ZHX2: variants seen among roughly 807,000 people sequenced by gnomAD.
ZHX2 encodes zinc fingers and homeoboxes protein 2.
Under a neutral mutation model 21.9 loss-of-function variants are expected in ZHX2, and 6 were observed. The ratio of observed to expected loss-of-function variants is 0.27; its 90% CI spans 0.15 to 0.54. The LOEUF (loss-of-function observed/expected upper bound fraction) is 0.54, where lower values mean the gene tolerates loss of function less well. Among genes scored for constraint, ZHX2 ranks in the 20% least tolerant of loss-of-function variants. The pLI, the probability that ZHX2 is intolerant of heterozygous loss-of-function variation, is 0.95. For missense variants in ZHX2, 908 were observed against 1,090.7 expected (o/e 0.83, Z 2.36); for synonymous variants, 434 against 437.1 (o/e 0.99, Z 0.09).
At chr8:122,821,689 T>TTTATTTAA (rs886690642) in intron 1 of ZHX2, among the ~76,000 whole-genome samples, 1 of 33,164 alleles carries the variant, frequency 3.0e-5, no homozygotes, top group East Asian at 8.0e-4. Context: ...CAGGCATGAC[T>TTTATTTAA]TTATTTATTT....
intron 1 of ZHX2, among the ~76,000 whole-genome samples, chr8:122,800,212 C>T (rs1362101820): frequency 1.3e-5 from 2 of 152,204 alleles, no homozygotes; most frequent in African/African-American, 4.8e-5. Context: ...TCATCTGGTA[C>T]AGCAGGAGTC....
intron 1 of ZHX2, among the ~76,000 whole-genome samples, chr8:122,853,418 G>A (rs1261485197): frequency 2.0e-5 from 3 of 152,132 alleles, no homozygotes; most frequent in South Asian, 2.1e-4. Context: ...TAGGAAATGC[G>A]AATCCAGCAT....
chr8:122,967,911 G>C (rs1016393894), intron 3 of ZHX2, among the ~76,000 whole-genome samples: 1 of 152,064 alleles, frequency 6.6e-6, no homozygotes, highest in African/African-American at 2.4e-5. Flanking sequence ...AAAAGATTAT[G>C]TCTTTTTTCT....
At chr8:122,868,489 T>C (rs1819351161) in intron 2 of ZHX2, among the ~76,000 whole-genome samples, 1 of 150,978 alleles carries the variant, frequency 6.6e-6, no homozygotes, top group South Asian at 2.1e-4. Flanking sequence ...CTCTACAAAA[T>C]ATGCTTTAAA....
chr8:122,941,977 A>G (rs1355978785), intron 2 of ZHX2, among the ~76,000 whole-genome samples: 1 of 152,208 alleles, frequency 6.6e-6, no homozygotes, highest in Non-Finnish European at 1.5e-5. Context: ...GGATTAAGAT[A>G]AAATGGAGAA....
rs981874114 is a variant in ZHX2, at chr8:122,953,948, A to G, written c.2438A>G (p.Gln813Arg). ...TCAGATAGATCAGATAGCTGGAGTC[A>G]GGCTGCGGCAGAAGGTGTGTCGGAA... is the stretch of plus-strand genomic sequence containing the variant. ...AISDRSDSWS[Q>R]AAAEGVSELA... Residue 813 changes from glutamine to arginine, a missense_variant, in exon 3 of 4, where the codon CAG becomes CGG. By Grantham distance (43) the Gln-to-Arg change is conservative. Around this residue, in one of 4 missense-constraint regions of ZHX2, gnomAD observed 431 missense variants for 428.6 expected, o/e 1.01. Coordinates refer to ENST00000314393, the MANE Select transcript of ZHX2 (RefSeq NM_014943.5). The surrounding 1 kb of genome is among the most constrained non-coding windows in gnomAD (Gnocchi z 4.6). 1.2e-6 allele frequency: 2 copies of G among 1,614,172 alleles called. No homozygotes were observed. The highest frequency in any genetic ancestry group is 1.7e-6 in the Non-Finnish European group (2 of 1,180,006).
chr8:122,911,890 G>A (rs767479228), intron 2 of ZHX2, among the ~76,000 whole-genome samples: 4 of 152,162 alleles, frequency 2.6e-5, no homozygotes, highest in Non-Finnish European at 5.9e-5. Flanking sequence ...GGGTGGGCTG[G>A]AGGGTGGGAG....
intron 3 of ZHX2, among the ~76,000 whole-genome samples, chr8:122,966,713 A>G (rs1813594480): frequency 6.6e-6 from 1 of 152,224 alleles, no homozygotes; most frequent in South Asian, 2.1e-4. Flanking sequence ...TAGCAAGACC[A>G]GGGAAGTTTT....
At chr8:122,937,933 G>GTGTTTT (rs1812744546) in intron 2 of ZHX2, among the ~76,000 whole-genome samples, 1 of 73,352 alleles carries the variant, frequency 1.4e-5, no homozygotes, top group Non-Finnish European at 2.3e-5. Context: ...TTTCTTTTTG[G>GTGTTTT]TTTTTTTTTT....
chr8:122,818,552 G>A (rs1029845879), intron 1 of ZHX2, among the ~76,000 whole-genome samples: 2 of 152,136 alleles, frequency 1.3e-5, no homozygotes, highest in African/African-American at 4.8e-5. Flanking sequence ...CTTGAGGGGT[G>A]GCCATGAGGC....
intron 1 of ZHX2, among the ~76,000 whole-genome samples, chr8:122,831,889 G>A (rs1236645876): frequency 6.6e-6 from 1 of 152,202 alleles, no homozygotes; most frequent in Admixed American, 6.5e-5. Flanking sequence ...GAGCTCGAGT[G>A]AGGGCGATGA....
intron 2 of ZHX2, among the ~76,000 whole-genome samples, chr8:122,868,369 C>G (rs572487891): frequency 6.6e-6 from 1 of 152,036 alleles, no homozygotes. Flanking sequence ...AAATCAAGGC[C>G]GGGCACAGAG....
chr8:122,785,378 A>G (rs558644054), intron 1 of ZHX2, among the ~76,000 whole-genome samples: 12 of 152,318 alleles, frequency 7.9e-5, no homozygotes, highest in African/African-American at 2.6e-4. Flanking sequence ...CTACACTGCC[A>G]TGCTTAGAGT....
At chr8:122,802,421 A>G (rs1254293224) in intron 1 of ZHX2, among the ~76,000 whole-genome samples, 1 of 152,202 alleles carries the variant, frequency 6.6e-6, no homozygotes, top group Non-Finnish European at 1.5e-5. Context: ...ATCCCCAGGT[A>G]GCAGGGTTCC....
At chr8:122,853,151 G>A (rs1269019134) in intron 1 of ZHX2, among the ~76,000 whole-genome samples, 1 of 152,142 alleles carries the variant, frequency 6.6e-6, no homozygotes, top group Non-Finnish European at 1.5e-5. Flanking sequence ...AACAAATACA[G>A]CCTTTGATCA....
In ZHX2 at chr8:122,829,410, G is replaced by C. The variant is rs560355078; in HGVS notation, c.-282-34067G>C. ...CTTCAAGAACTTATAACAATGCTTA[G>C]AGTTGGGTAATGAACTATGCTAGTT... On this transcript the variant is annotated intron_variant, in intron 1 of 3. Coordinates refer to ENST00000314393, the MANE Select transcript of ZHX2 (RefSeq NM_014943.5). 3.9e-5 allele frequency among the ~76,000 whole-genome samples: 6 copies of C among 152,372 alleles called. No homozygotes were observed. The East Asian group carries it at 5.8e-4, about 15-fold the overall frequency.
chr8:122,938,938 A>G (rs934012133), intron 2 of ZHX2, among the ~76,000 whole-genome samples: 4 of 152,220 alleles, frequency 2.6e-5, no homozygotes, highest in Non-Finnish European at 4.4e-5. Context: ...GATGGGGGAT[A>G]TATTTGGCAG....
chr8:122,857,285 G>T (rs577108173), intron 1 of ZHX2, among the ~76,000 whole-genome samples: 3 of 151,166 alleles, frequency 2.0e-5, no homozygotes, highest in African/African-American at 4.9e-5. Context: ...GCCCCATAAA[G>T]AGTTGTTGAA....
chr8:122,790,190 G>C (rs7835169), intron 1 of ZHX2, among the ~76,000 whole-genome samples: 15 of 152,320 alleles, frequency 9.8e-5, no homozygotes, highest in African/African-American at 3.6e-4. Context: ...GTAGGATCCA[G>C]GAATGCTCTA....
Sources: allele counts gnomAD v4.1 joint callset (sites outside exome capture counted in the v4.1 genomes callset), GRCh38; gene constraint gnomAD v4.1.1; regional missense constraint gnomAD v4.1.1; non-coding constraint Gnocchi (gnomAD v3.1); transcripts MANE v1.5; gene names NCBI Gene and HGNC (gene_info 2026-07-23, HGNC 2026-07-21).